ARHGAP10: variants seen among roughly 807,000 people sequenced by gnomAD.
ARHGAP10 encodes rho GTPase-activating protein 10.
In ARHGAP10, 87 loss-of-function variants were observed where a neutral mutation model predicts 108.6. The observed-to-expected ratio is 0.80, with a 90% CI of 0.67 to 0.96. ARHGAP10 has a LOEUF of 0.96. Ranked by LOEUF, ARHGAP10 falls within the 40% of genes least tolerant of loss-of-function variation. The probability of loss-of-function intolerance (pLI) is 0.00; values close to 1 mark genes in which losing one functional copy is unlikely to be tolerated. For synonymous variants in ARHGAP10, 347 were observed against 341.1 expected, an observed-to-expected ratio of 1.02 and a Z score of -0.19; for missense variants, 939 against 954.5, an observed-to-expected ratio of 0.98 and a Z score of 0.21.
chr4:147,741,868 C>T (rs948354702), intron 1 of ARHGAP10, among the ~76,000 whole-genome samples: 4 of 151,626 alleles, frequency 2.6e-5, no homozygotes, highest in Non-Finnish European at 5.9e-5. Flanking sequence ...TCTCTGTAAA[C>T]TCTGAGATGG....
chr4:148,060,344 AGTTT>A (rs1729559152), intron 20 of ARHGAP10, among the ~76,000 whole-genome samples: 3 of 120,842 alleles, frequency 2.5e-5, no homozygotes, highest in Non-Finnish European at 3.5e-5. Context: ...GCTCATGTTT[AGTTT>A]TTTTTTTTTT....
intron 3 of ARHGAP10, among the ~76,000 whole-genome samples, chr4:147,842,456 A>G (rs573921767): frequency 2.4e-4 from 37 of 152,164 alleles, no homozygotes; most frequent in African/African-American, 8.4e-4. Flanking sequence ...ATTATTTATA[A>G]CCTACCTCTA....
intron 19 of ARHGAP10, among the ~76,000 whole-genome samples, chr4:148,041,569 T>C (rs1246224582): frequency 1.3e-5 from 2 of 152,234 alleles, no homozygotes; most frequent in Non-Finnish European, 2.9e-5. Flanking sequence ...AAATAAGATA[T>C]AAACATCCTC....
At chr4:147,866,674 T>C in intron 6 of ARHGAP10, 38 bp from the exon 7 acceptor site, 1 of 1,491,562 alleles carries the variant, frequency 6.7e-7, no homozygotes. Flanking sequence ...TCTCCTGAGT[T>C]TTTTTGTGCT....
rs549588917 is a variant in ARHGAP10, at chr4:147,875,083, G to T, written c.765G>T (p.Gln255His). Residue 255 changes from glutamine (Q) to histidine (H), a missense_variant, in exon 8 of 23, where the codon CAG becomes CAT. Gln to His is a conservative substitution (Grantham distance 24). Transcript: ENST00000336498. ...AAGAGCTCATGAACAAAATCAGACA[G>T]AATCCCAAGGACCACAAACGAGCAA... ...EVEELMNKIR[Q>H]NPKDHKRASQ... The T allele has an allele frequency of 6.2e-7, 1 of 1,609,470 alleles. No individual in the cohort carries two copies. The highest frequency in any genetic ancestry group is 1.3e-5 in the African/African-American group (1 of 74,798).
intron 1 of ARHGAP10, among the ~76,000 whole-genome samples, chr4:147,751,947 A>G (rs932701426): frequency 6.9e-6 from 1 of 144,828 alleles, no homozygotes; most frequent in African/African-American, 2.6e-5. Context: ...GTGCAGTGGC[A>G]TGATCTCGAC....
intron 18 of ARHGAP10, among the ~76,000 whole-genome samples, chr4:148,004,873 T>G (rs1336754878): frequency 2.0e-5 from 3 of 152,212 alleles, no homozygotes; most frequent in African/African-American, 7.2e-5. Context: ...ATTGATAGCT[T>G]TCTTATTTAA....
intron 20 of ARHGAP10, among the ~76,000 whole-genome samples, chr4:148,054,777 C>G (rs1344430167): frequency 6.6e-6 from 1 of 152,216 alleles, no homozygotes; most frequent in African/African-American, 2.4e-5. Flanking sequence ...ACATTTATAA[C>G]TTATTCTGAG....
At chr4:147,988,421 C>T (rs1479062321) in intron 18 of ARHGAP10, among the ~76,000 whole-genome samples, 1 of 152,114 alleles carries the variant, frequency 6.6e-6, no homozygotes, top group Non-Finnish European at 1.5e-5. Context: ...CTGGCTGGTC[C>T]TCTGGCCTGC....
chr4:147,738,767 T>G (rs1231579855), intron 1 of ARHGAP10, among the ~76,000 whole-genome samples: 1 of 152,188 alleles, frequency 6.6e-6, no homozygotes. Context: ...TAGTGTTTAT[T>G]ACCCCTAACA....
chr4:147,990,514 A>G (rs1285894473), intron 18 of ARHGAP10, among the ~76,000 whole-genome samples: 2 of 152,224 alleles, frequency 1.3e-5, no homozygotes, highest in Non-Finnish European at 2.9e-5. Context: ...GGGTCCTCCA[A>G]ATAGGAGTCT....
intron 1 of ARHGAP10, among the ~76,000 whole-genome samples, chr4:147,809,963 A>G (rs1731951151): frequency 6.6e-6 from 1 of 152,190 alleles, no homozygotes; most frequent in Non-Finnish European, 1.5e-5. Flanking sequence ...ATATATGCTA[A>G]ATTTTAAGGT....
chr4:147,849,048 T>C (rs1374694152), intron 4 of ARHGAP10, among the ~76,000 whole-genome samples: 1 of 152,210 alleles, frequency 6.6e-6, no homozygotes, highest in African/African-American at 2.4e-5. Flanking sequence ...GTGTTGACTG[T>C]TGTACCTATG....
chr4:147,955,828 A>G (rs17024193), intron 16 of ARHGAP10, among the ~76,000 whole-genome samples: 9,670 of 152,198 alleles, frequency 0.064, 643 homozygotes, highest in African/African-American at 0.17. Flanking sequence ...AATTACAGAC[A>G]GAAGGAATAT....
intron 22 of ARHGAP10, among the ~76,000 whole-genome samples, chr4:148,067,398 A>G (rs1560902071): frequency 2.6e-5 from 4 of 152,188 alleles, no homozygotes; most frequent in Admixed American, 1.3e-4. Context: ...TTAAATGGCT[A>G]TGGGGTCTTC....
chr4:147,930,022 A>G lies in ARHGAP10; in HGVS notation c.1229-9803A>G, dbSNP rs112761699. 4.8e-3 allele frequency among the ~76,000 whole-genome samples: 734 copies of G among 152,342 alleles called. 7 individuals carry two copies. Among genetic ancestry groups the G allele is most frequent in the Middle Eastern group, 0.017 (5 of 294 alleles). On this transcript the variant is annotated intron_variant, in intron 13 of 22. Transcript: ENST00000336498. ...TTTTGATGTAAATCCTGTGAATGCC[A>G]GTATGAACATTAATGACCTTTTGCC...
intron 3 of ARHGAP10, among the ~76,000 whole-genome samples, chr4:147,832,134 A>G (rs750718887): frequency 6.6e-6 from 1 of 152,130 alleles, no homozygotes; most frequent in Non-Finnish European, 1.5e-5. Context: ...CTAGAATGTA[A>G]CCAGCCCATT....
rs75851130 is a variant in ARHGAP10, at chr4:147,812,315, G to A, written c.155-10412G>A. Reference sequence around the variant, plus strand: ...AACACCTTCTCCCTCTTTGAACACAGCTAGTTTTCAGGAGGTCCAGGCCCG... The same window carrying A: ...AACACCTTCTCCCTCTTTGAACACAACTAGTTTTCAGGAGGTCCAGGCCCG... On this transcript the variant is annotated intron_variant, in intron 1 of 22. Transcript: ENST00000336498. 6.4e-3 allele frequency among the ~76,000 whole-genome samples: 981 copies of A among 152,252 alleles called. 10 individuals carry two copies. The highest frequency in any genetic ancestry group is 0.023 in the African/African-American group (935 of 41,540).
intron 1 of ARHGAP10, among the ~76,000 whole-genome samples, chr4:147,755,007 A>G (rs1259058316): frequency 6.6e-6 from 1 of 151,938 alleles, no homozygotes; most frequent in Admixed American, 6.6e-5. Flanking sequence ...GCTTGAACCC[A>G]GGAAATGGAG....
Sources: allele counts gnomAD v4.1 joint callset (sites outside exome capture counted in the v4.1 genomes callset), GRCh38; gene constraint gnomAD v4.1.1; transcripts MANE v1.5; gene names NCBI Gene and HGNC (gene_info 2026-07-23, HGNC 2026-07-21).